AK9: variants seen among roughly 807,000 people sequenced by gnomAD.
AK9 encodes adenylate kinase domain containing 1.
AK9 carries 191 observed loss-of-function variants against 239.6 expected under a neutral mutation model. That is an observed-to-expected ratio of 0.80 (90% CI 0.71 to 0.90). AK9 has a LOEUF of 0.90. AK9 is among the 40% of genes least tolerant of loss of function. The pLI, the probability that AK9 is intolerant of heterozygous loss-of-function variation, is 0.00. For missense variants in AK9, 1,995 were observed against 2,214.7 expected (o/e 0.90, Z 1.99); for synonymous variants, 689 against 721.0 (o/e 0.96, Z 0.71).
intron 13 of AK9, among the ~76,000 whole-genome samples, chr6:109,618,429 G>GAAAA (rs774118344): frequency 4.3e-5 from 5 of 116,498 alleles, no homozygotes; most frequent in Admixed American, 9.2e-5. Context: ...GAGAAAAACA[G>GAAAA]AAAAAAAAAA....
At chr6:109,587,177 CATA>C (rs1789613374) in intron 17 of AK9, among the ~76,000 whole-genome samples, 1 of 151,974 alleles carries the variant, frequency 6.6e-6, no homozygotes, top group South Asian at 2.1e-4. Context: ...AAATGTTTAA[CATA>C]AGAGAATTAG....
At chr6:109,665,650 T>C (rs528464937) in intron 5 of AK9, among the ~76,000 whole-genome samples, 1 of 152,282 alleles carries the variant, frequency 6.6e-6, no homozygotes, top group South Asian at 2.1e-4. Flanking sequence ...ATTGTGATGG[T>C]AGGTACTACA....
chr6:109,555,053 G>C (rs1784827056), intron 24 of AK9, among the ~76,000 whole-genome samples: 2 of 152,088 alleles, frequency 1.3e-5, no homozygotes, highest in South Asian at 2.1e-4. Flanking sequence ...TCTTCTGCTA[G>C]CTTTTGGATT....
chr6:109,629,813 T>G (rs1795935022), intron 12 of AK9, among the ~76,000 whole-genome samples: 2 of 152,124 alleles, frequency 1.3e-5, no homozygotes, highest in South Asian at 4.2e-4. Context: ...TTTTGTATTT[T>G]TAGTAGAGAC....
chr6:109,497,343 CA>C, intron 38 of AK9, 121 bp downstream of exon 38: 1 of 596,692 alleles, frequency 1.7e-6, no homozygotes, highest in Non-Finnish European at 2.9e-6. Context: ...CACACACACA[CA>C]CACACACACA....
At chr6:109,639,717 C>A (rs1225362487) in intron 10 of AK9, among the ~76,000 whole-genome samples, 2 of 152,148 alleles carry the variant, frequency 1.3e-5, no homozygotes, top group African/African-American at 4.8e-5. Context: ...TCATGAAGTC[C>A]TTGCCCCTGC....
chr6:109,618,638 G>T (rs528770253), intron 13 of AK9, among the ~76,000 whole-genome samples: 1 of 152,088 alleles, frequency 6.6e-6, no homozygotes, highest in African/African-American at 2.4e-5. Flanking sequence ...TTAGAGAAGG[G>T]TGTTAAGTGA....
At chr6:109,524,734 A>T (rs1780258496) in intron 29 of AK9, among the ~76,000 whole-genome samples, 1 of 152,216 alleles carries the variant, frequency 6.6e-6, no homozygotes, top group African/African-American at 2.4e-5. Flanking sequence ...AAACATTAGA[A>T]CTATTTCTTT....
Position 109,493,453 on chromosome 6 carries a change from C to G in AK9, c.5652G>C (p.Lys1884Asn), listed in dbSNP as rs1427779223. Residue 1884 changes from lysine (K) to asparagine (N), a missense_variant, in exon 41 of 41, where the codon AAG becomes AAC. This residue lies in a region of AK9 where 391 missense variants were observed against 456.0 expected (regional missense o/e 0.86). Transcript: ENST00000424296. ...AGTCAATGGCTCTGAACTGAGGTTC[C>G]TTGTATTTTCTGGTCATCTTGGCAC... is the stretch of plus-strand genomic sequence containing the variant. The part of the protein sequence containing the change: ...YLGAKMTRKY[K>N]EPQFRAIDFD... 2.5e-6 allele frequency: 4 copies of G among 1,614,010 alleles called. No individual in the cohort carries two copies. In the East Asian group the frequency reaches 8.9e-5, roughly 36 times the overall value.
intron 10 of AK9, among the ~76,000 whole-genome samples, chr6:109,635,827 T>C (rs1485732468): frequency 6.6e-6 from 1 of 152,160 alleles, no homozygotes; most frequent in East Asian, 1.9e-4. Flanking sequence ...GTTCTACAAT[T>C]ATTAAGAATT....
At chr6:109,510,392 A>C (rs1463655043) in intron 32 of AK9, among the ~76,000 whole-genome samples, 1 of 152,054 alleles carries the variant, frequency 6.6e-6, no homozygotes, top group Non-Finnish European at 1.5e-5. Context: ...CCAACTGCAG[A>C]GAGGATACTC....
chr6:109,570,663 C>T (rs1034310080), intron 21 of AK9, among the ~76,000 whole-genome samples: 1 of 151,830 alleles, frequency 6.6e-6, no homozygotes, highest in East Asian at 1.9e-4. Flanking sequence ...CTGAAGAATC[C>T]AGAGAAAAAG....
chr6:109,684,857 G>C, intron 1 of AK9, among the ~76,000 whole-genome samples: 1 of 100,410 alleles, frequency 1.0e-5, no homozygotes, highest in African/African-American at 3.6e-5. Context: ...CTGGGCGACA[G>C]AGTGAGACTC....
intron 23 of AK9, 139 bp from the exon 24 acceptor site, chr6:109,563,851 A>G (rs1244440727): frequency 1.0e-5 from 12 of 1,201,762 alleles, no homozygotes; most frequent in Non-Finnish European, 1.4e-5. Context: ...ATAGGCCTTT[A>G]TAAGTTCCTT....
intron 16 of AK9, among the ~76,000 whole-genome samples, chr6:109,611,353 G>C (rs1562491803): frequency 6.6e-6 from 1 of 152,144 alleles, no homozygotes; most frequent in Non-Finnish European, 1.5e-5. Flanking sequence ...CCATGGGAGC[G>C]GGTGCATAGT....
intron 29 of AK9, among the ~76,000 whole-genome samples, chr6:109,519,774 CA>C (rs58292452): frequency 0.6 from 86,738 of 143,526 alleles, 25,814 homozygotes; most frequent in African/African-American, 0.7. Flanking sequence ...CATCCTGTCT[CA>C]AAAAAAAAAA....
chr6:109,648,812 C>T (rs1798481193), intron 8 of AK9, among the ~76,000 whole-genome samples: 2 of 152,192 alleles, frequency 1.3e-5, no homozygotes, highest in South Asian at 4.1e-4. Flanking sequence ...AGACCAATAT[C>T]CTTGATGAAC....
chr6:109,536,662 G>A (rs1356709845), intron 27 of AK9, among the ~76,000 whole-genome samples: 1 of 152,192 alleles, frequency 6.6e-6, no homozygotes, highest in Admixed American at 6.5e-5. Context: ...TGGTGAGAGA[G>A]GGCATCCCTG....
Position 109,619,157 on chromosome 6 carries a change from G to C in AK9, c.1334C>G (p.Ala445Gly), listed in dbSNP as rs1794529909. 5 of 1,549,590 alleles carry C rather than the reference G, an allele frequency of 3.2e-6. No homozygotes were observed. Among genetic ancestry groups the C allele is most frequent in the Non-Finnish European group, 4.4e-6 (5 of 1,146,024 alleles). The change falls in exon 13 of 41, where the codon GCC (alanine) becomes GGC (glycine). Residue 445 changes from alanine (A) to glycine (G), a missense_variant. Ala to Gly is a moderately conservative substitution (Grantham distance 60). Around this residue, in one of 5 missense-constraint regions of AK9, gnomAD observed 1,290 missense variants for 1,392.7 expected, o/e 0.93. Transcript: ENST00000424296. ...ETLVENTIAE[A>G]TAAAIKVVKE... ...CACAACTTTAATTGCTGCTGCAGTG[G>C]CCTCAGCTATGGTATTTTCTACTAA...
Sources: allele counts gnomAD v4.1 joint callset (sites outside exome capture counted in the v4.1 genomes callset), GRCh38; gene constraint gnomAD v4.1.1; regional missense constraint gnomAD v4.1.1; transcripts MANE v1.5; gene names NCBI Gene and HGNC (gene_info 2026-07-23, HGNC 2026-07-21).